WNK2: variants seen among roughly 807,000 people sequenced by gnomAD.
WNK2 encodes serine/threonine-protein kinase WNK2.
A neutral mutation model predicts 192.1 loss-of-function variants in WNK2; 67 were observed. The ratio of observed to expected loss-of-function variants is 0.35; its 90% confidence interval spans 0.29 to 0.43. The LOEUF is 0.43. Ranked by LOEUF, WNK2 falls within the 20% of genes least tolerant of loss-of-function variation. The pLI, the probability that WNK2 is intolerant of heterozygous loss-of-function variation, is 1.00. For synonymous variants in WNK2, 1,439 were observed against 1,393.9 expected, an observed-to-expected ratio of 1.03 and a Z score of -0.72; for missense variants, 2,698 against 3,089.7, an observed-to-expected ratio of 0.87 and a Z score of 3.01.
chr9:93,318,067 A>G (rs1260685180), intron 29 of WNK2: 3 of 1,609,712 alleles, frequency 1.9e-6, no homozygotes, highest in Admixed American at 1.7e-5. Flanking sequence ...CCCACTTCCT[A>G]TACTTGAGTT....
At chr9:93,268,181 C>T in intron 18 of WNK2, 116 bp downstream of exon 18, 1 of 1,417,494 alleles carries the variant, frequency 7.1e-7, no homozygotes, top group Non-Finnish European at 9.6e-7. Context: ...ATGTGGTGAC[C>T]AGGGGCCCCA....
At chr9:93,215,007 T>C (rs1184658356) in intron 2 of WNK2, among the ~76,000 whole-genome samples, 5 of 151,562 alleles carry the variant, frequency 3.3e-5, no homozygotes, top group Non-Finnish European at 5.9e-5. Flanking sequence ...CTCAGCCTCC[T>C]GAGTAGCTGG....
chr9:93,251,257 A>G (rs1050266213), intron 8 of WNK2, among the ~76,000 whole-genome samples: 1 of 152,046 alleles, frequency 6.6e-6, no homozygotes, highest in African/African-American at 2.4e-5. Flanking sequence ...CTGGGACTAC[A>G]GGTGTGTGCC....
chr9:93,237,047 T>C (rs1219108566), intron 5 of WNK2, among the ~76,000 whole-genome samples: 3 of 152,118 alleles, frequency 2.0e-5, no homozygotes, highest in Non-Finnish European at 2.9e-5. Context: ...TGATGGTGGC[T>C]TTGACAGAAG....
chr9:93,199,680 C>G (rs930043649), intron 2 of WNK2, among the ~76,000 whole-genome samples: 4 of 151,974 alleles, frequency 2.6e-5, no homozygotes, highest in African/African-American at 9.7e-5. Context: ...GGGTGGATCA[C>G]GAGGTCAGGA....
intron 19 of WNK2, among the ~76,000 whole-genome samples, chr9:93,279,050 C>A (rs1457083095): frequency 6.6e-6 from 1 of 152,172 alleles, no homozygotes; most frequent in Non-Finnish European, 1.5e-5. Flanking sequence ...CGAAAAGCAT[C>A]CCCCAAAGAT....
chr9:93,306,049 G>C (rs1438588554), intron 26 of WNK2, among the ~76,000 whole-genome samples: 1 of 152,202 alleles, frequency 6.6e-6, no homozygotes, highest in African/African-American at 2.4e-5. Context: ...TGTATACCAG[G>C]TGCCCTCTGG....
chr9:93,283,362 CG>C (rs1299747322), intron 19 of WNK2, among the ~76,000 whole-genome samples: 1 of 152,040 alleles, frequency 6.6e-6, no homozygotes, highest in Non-Finnish European at 1.5e-5. Flanking sequence ...AGCTTAGCAA[CG>C]GTTCTTTGAA....
At chr9:93,279,115 G>A (rs1847360607) in intron 19 of WNK2, among the ~76,000 whole-genome samples, 4 of 152,174 alleles carry the variant, frequency 2.6e-5, no homozygotes, top group Admixed American at 2.6e-4. Context: ...TTTTACTGGA[G>A]CTTCTGGGCA....
chr9:93,267,776 C>T lies in WNK2; in HGVS notation c.3727C>T (p.Arg1243Trp), dbSNP rs756969544. Residue 1243 changes from arginine (R) to tryptophan (W), a missense_variant, in exon 17 of 30, where the codon CGG (arginine) becomes TGG (tryptophan). By Grantham distance (101) the Arg-to-Trp change is moderately radical (BLOSUM62 -3). Transcript: ENST00000427277. Reference sequence around the variant, plus strand: ...GCATGACTTTATCCTGCAGGCCGAGCGGGAAACGTTCATCGAGCAGATGAA... The same window carrying T: ...GCATGACTTTATCCTGCAGGCCGAGTGGGAAACGTTCATCGAGCAGATGAA... ...VEHDFILQAE[R>W]ETFIEQMKDV... The T allele has an allele frequency of 1.2e-6, 2 of 1,607,810 alleles. No individual in the cohort carries two copies. Among genetic ancestry groups the T allele is most frequent in the Non-Finnish European group, 1.7e-6 (2 of 1,177,170 alleles).
chr9:93,298,145 A>G, intron 24 of WNK2, 78 bp downstream of exon 24: 1 of 1,467,266 alleles, frequency 6.8e-7, no homozygotes, highest in East Asian at 2.5e-5. Context: ...GGCTCCGTGC[A>G]GGTGTGACAC....
chr9:93,291,933 T>C (rs963266190), intron 21 of WNK2, among the ~76,000 whole-genome samples: 13 of 152,280 alleles, frequency 8.5e-5, no homozygotes, highest in African/African-American at 3.1e-4. Flanking sequence ...CCCAGCCCCA[T>C]TGATCTGCGC....
At chr9:93,220,037 G>T (rs1480218598) in intron 2 of WNK2, among the ~76,000 whole-genome samples, 1 of 152,238 alleles carries the variant, frequency 6.6e-6, no homozygotes, top group Non-Finnish European at 1.5e-5. Context: ...TGGCTGCAGG[G>T]TTGTTGGGGA....
intron 2 of WNK2, among the ~76,000 whole-genome samples, chr9:93,204,051 G>T (rs1050358481): frequency 6.6e-6 from 1 of 152,122 alleles, no homozygotes; most frequent in Non-Finnish European, 1.5e-5. Flanking sequence ...GTGTGTGTGT[G>T]TGGTGGGGGT....
rs1843496283 is a variant in WNK2 at position 93,257,490 on chromosome 9, A to G, written c.2382+351A>G. Among the ~76,000 whole-genome samples the G allele has an allele frequency of 6.6e-6, 1 of 152,170 alleles. No homozygotes were observed. Among genetic ancestry groups the G allele is most frequent in the African/African-American group, 2.4e-5 (1 of 41,450 alleles). On this transcript the variant is annotated intron_variant, in intron 11 of 29. Transcript: ENST00000427277. The surrounding 1 kb of genome is among the most constrained non-coding windows in gnomAD (Gnocchi z 4.7). ...GTCCTTCAGGGAGGGCGGGCAGCCC[A>G]GTACCCCATCACCTGGCACCCTCCC...
At position 93,259,221 on chromosome 9, in the gene WNK2, A is replaced by G. The variant is rs1361020070; in HGVS notation, c.2673A>G (p.Pro891=). ...PATIPLLAVA[P]PGVAALSIHS... ...CTATCCCCCTGCTGGCCGTAGCCCC[A>G]CCGGGCGTGGCTGCCCTGTCCATTC... is the stretch of plus-strand genomic sequence containing the variant. Residue 891 remains proline, a synonymous_variant, in exon 12 of 30, where the codon CCA becomes CCG. Coordinates refer to ENST00000427277, the MANE Select transcript of WNK2 (RefSeq NM_006648.4). The surrounding 1 kb of genome is among the most constrained non-coding windows in gnomAD (Gnocchi z 4.8). 6.2e-7 allele frequency: 1 copy of G among 1,611,768 alleles called. No individual in the cohort carries two copies. Among genetic ancestry groups the G allele is most frequent in the Non-Finnish European group, 8.5e-7 (1 of 1,179,486 alleles).
At chr9:93,284,551 A>G (rs1049895336) in intron 19 of WNK2, among the ~76,000 whole-genome samples, 2 of 146,126 alleles carry the variant, frequency 1.4e-5, no homozygotes, top group African/African-American at 5.0e-5. Context: ...AAGGATGCCT[A>G]TTCTCAGCAC....
At chr9:93,277,273 G>A (rs559808285) in intron 19 of WNK2, among the ~76,000 whole-genome samples, 21 of 152,290 alleles carry the variant, frequency 1.4e-4, no homozygotes, top group African/African-American at 5.1e-4. Flanking sequence ...CTGGGGGTAT[G>A]TAAAATGGTA....
chr9:93,202,165 T>C (rs1832494813), intron 2 of WNK2, among the ~76,000 whole-genome samples: 1 of 152,118 alleles, frequency 6.6e-6, no homozygotes, highest in Non-Finnish European at 1.5e-5. Flanking sequence ...ACAAGATGGC[T>C]CTGTGTCCAG....
Sources: allele counts gnomAD v4.1 joint callset (sites outside exome capture counted in the v4.1 genomes callset), GRCh38; gene constraint gnomAD v4.1.1; non-coding constraint Gnocchi (gnomAD v3.1); transcripts MANE v1.5; gene names NCBI Gene and HGNC (gene_info 2026-07-23, HGNC 2026-07-21).